The following ADGRL1 variants were observed in gnomAD, a reference collection of about 807,000 sequenced individuals.
ADGRL1 encodes the protein CIRL-1.
A neutral mutation model predicts 148.9 loss-of-function variants in ADGRL1; 31 were observed. The observed-to-expected ratio is 0.21, with a 90% CI of 0.16 to 0.28. The LOEUF (loss-of-function observed/expected upper bound fraction) is 0.28. Among genes scored for constraint, ADGRL1 ranks in the 10% least tolerant of loss-of-function variants. ADGRL1 has a pLI of 1.00. For synonymous variants in ADGRL1, 937 were observed against 900.3 expected (o/e 1.04, Z -0.73); for missense variants, 1,521 against 2,058.8 (o/e 0.74, Z 5.05).
chr19:14,191,765 G>A (rs961430487), intron 1 of ADGRL1, among the ~76,000 whole-genome samples: 1 of 151,028 alleles, frequency 6.6e-6, no homozygotes, highest in South Asian at 2.1e-4. Flanking sequence ...GCACAATCCC[G>A]GCTCATTGCA....
intron 1 of ADGRL1, among the ~76,000 whole-genome samples, chr19:14,205,684 C>T (rs1972952414): frequency 6.6e-6 from 1 of 151,636 alleles, no homozygotes; most frequent in Non-Finnish European, 1.5e-5. Context: ...CACGCGCGGG[C>T]ACACTCGCGG....
intron 3 of ADGRL1, among the ~76,000 whole-genome samples, chr19:14,175,224 C>T (rs955522404): frequency 4.6e-5 from 7 of 152,064 alleles, no homozygotes; most frequent in Admixed American, 2.0e-4. Context: ...GATTTGCACA[C>T]GTGGTGCCTC....
At chr19:14,190,676 C>G (rs569041781) in intron 1 of ADGRL1, among the ~76,000 whole-genome samples, 1 of 152,224 alleles carries the variant, frequency 6.6e-6, no homozygotes. Context: ...TCTACGAGTT[C>G]AATTCTTTTT....
intron 3 of ADGRL1, 78 bp from the exon 4 acceptor site, chr19:14,170,869 A>G: frequency 1.3e-6 from 1 of 754,936 alleles, no homozygotes; most frequent in African/African-American, 1.7e-5. Context: ...CTCCAGGGTC[A>G]TGGTGTCATA....
intron 1 of ADGRL1, among the ~76,000 whole-genome samples, chr19:14,191,799 G>A (rs1971960143): frequency 6.6e-6 from 1 of 151,740 alleles, no homozygotes; most frequent in African/African-American, 2.4e-5. Context: ...AGGCTCATGG[G>A]ATCCTCCCGC....
chr19:14,155,941 T>G lies in ADGRL1; in HGVS notation c.3125+169A>C. ...CTAATGATACGCTATCTAAGACCCATTAAGTAGGTACATAGTGAACACAAT... is the reference window on the plus strand; with the variant it reads ...CTAATGATACGCTATCTAAGACCCAGTAAGTAGGTACATAGTGAACACAAT... On this transcript the variant is annotated intron_variant, in intron 17 of 22. Transcript: ENST00000361434. This position sits in a 1 kb window ranked among gnomAD's most constrained non-coding sequence, Gnocchi z 5.0. The G allele has an allele frequency of 1.6e-6, 1 of 621,508 alleles. No individual in the cohort carries two copies. Among genetic ancestry groups the G allele is most frequent in the East Asian group, 2.8e-5 (1 of 36,156 alleles). 38.5% of individuals were successfully genotyped at this position (621,508 alleles called of 1,614,324 possible). A position where few individuals can be genotyped will look rare whatever the true frequency, so the allele number is the denominator to read the frequency against.
chr19:14,203,540 C>T (rs1012094521), intron 1 of ADGRL1, among the ~76,000 whole-genome samples: 6 of 152,140 alleles, frequency 3.9e-5, no homozygotes, highest in African/African-American at 9.7e-5. Context: ...AGAGGCCACC[C>T]GCCAGGAGCC....
chr19:14,205,707 G>C (rs10421915), intron 1 of ADGRL1, among the ~76,000 whole-genome samples: 2 of 143,502 alleles, frequency 1.4e-5, no homozygotes, highest in African/African-American at 2.6e-5. Context: ...CCCTCCCCCC[G>C]CCAGGCACCC....
rs1971002063 is a variant in ADGRL1 at position 14,178,910 on chromosome 19, G to A, written c.71-1166C>T. Among the ~76,000 whole-genome samples, 3 of 152,028 alleles carry A rather than the reference G, an allele frequency of 2.0e-5. 1 individual carries two copies. The South Asian group carries it at 6.2e-4, about 32-fold the overall frequency. On this transcript the variant is annotated intron_variant, in intron 2 of 22. Coordinates refer to ENST00000361434, the MANE Select transcript of ADGRL1 (RefSeq NM_014921.5). ...TCTATAAGCCAAGGAGAGGCCAGGCGCGGTGGCTCACACCTGTAATCCCCG... is the reference window on the plus strand; with the variant it reads ...TCTATAAGCCAAGGAGAGGCCAGGCACGGTGGCTCACACCTGTAATCCCCG...
At chr19:14,189,132 G>C (rs1971773253) in intron 1 of ADGRL1, among the ~76,000 whole-genome samples, 1 of 151,792 alleles carries the variant, frequency 6.6e-6, no homozygotes, top group Admixed American at 6.6e-5. Flanking sequence ...GCCCAGCCCT[G>C]GTAACTTATA....
chr19:14,183,193 C>CAGAGAGAGGGAGAGAGAG (rs1971322395), intron 2 of ADGRL1, among the ~76,000 whole-genome samples: 1 of 145,306 alleles, frequency 6.9e-6, no homozygotes, highest in Non-Finnish European at 1.5e-5. Flanking sequence ...GATGTAATCA[C>CAGAGAGAGGGAGAGAGAG]AGAGAGAGAG....
chr19:14,156,066 G>T, intron 17 of ADGRL1, 44 bp downstream of exon 17: 1 of 1,460,296 alleles, frequency 6.8e-7, no homozygotes, highest in East Asian at 2.3e-5. Flanking sequence ...AGCGTGGGGC[G>T]GGGGTGGGTG....
chr19:14,152,872 CAGT>C lies in ADGRL1; in HGVS notation c.3332_3334del (p.Tyr1111del), dbSNP rs767591232. The C allele has an allele frequency of 6.8e-6, 11 of 1,614,152 alleles. No individual in the cohort carries two copies. Among genetic ancestry groups the C allele is most frequent in the South Asian group, 1.1e-5 (1 of 91,084 alleles). On this transcript the variant is annotated inframe_deletion, in exon 19 of 23. Coordinates refer to ENST00000361434, the MANE Select transcript of ADGRL1 (RefSeq NM_014921.5). This position sits in a 1 kb window ranked among gnomAD's most constrained non-coding sequence, Gnocchi z 6.1. ...GCCCCCGGGTGGGGAGCGGATGCAG[CAGT>C]AGGAGTGACGCAGGCACTTGCTGTA...
intron 1 of ADGRL1, among the ~76,000 whole-genome samples, chr19:14,203,255 G>A (rs1189463224): frequency 6.6e-6 from 1 of 152,176 alleles, no homozygotes; most frequent in Non-Finnish European, 1.5e-5. Flanking sequence ...TCAGATCCGT[G>A]AGAGGAACCC....
intron 1 of ADGRL1, among the ~76,000 whole-genome samples, chr19:14,189,360 A>G (rs1971789105): frequency 6.6e-6 from 1 of 152,022 alleles, no homozygotes; most frequent in Non-Finnish European, 1.5e-5. Context: ...AGCTGGGACT[A>G]TAGTCACATG....
rs544132718 is a variant in ADGRL1 at position 14,189,900 on chromosome 19, C to T, written c.-95-6203G>A. Among the ~76,000 whole-genome samples, 4 of 152,324 alleles carry T rather than the reference C, an allele frequency of 2.6e-5. No homozygotes were observed. In the South Asian group the frequency reaches 8.3e-4, roughly 32 times the overall value. On this transcript the variant is annotated intron_variant, in intron 1 of 22. Transcript: ENST00000361434. ...GTGAGAACACTTGAGTCTAATTCCTCAGCAAGTTTCAAGAAAACAGTATGC... is the reference window on the plus strand; with the variant it reads ...GTGAGAACACTTGAGTCTAATTCCTTAGCAAGTTTCAAGAAAACAGTATGC...
intron 1 of ADGRL1, among the ~76,000 whole-genome samples, chr19:14,204,704 CAG>C (rs1568248291): frequency 3.7e-5 from 4 of 107,634 alleles, no homozygotes; most frequent in Non-Finnish European, 5.6e-5. Flanking sequence ...TAGAGAAAGA[CAG>C]AGAGAGTGAG....
intron 2 of ADGRL1, among the ~76,000 whole-genome samples, chr19:14,182,141 C>G (rs903392468): frequency 3.3e-5 from 5 of 152,202 alleles, no homozygotes; most frequent in Admixed American, 1.3e-4. Context: ...CTGTCCCTCC[C>G]CTGAGGGGCA....
At chr19:14,153,932 C>T (rs1186993390) in intron 18 of ADGRL1, among the ~76,000 whole-genome samples, 1 of 150,926 alleles carries the variant, frequency 6.6e-6, no homozygotes, top group Non-Finnish European at 1.5e-5. Flanking sequence ...CAGAACGAGA[C>T]TCTGTCTCAA....
Sources: allele counts gnomAD v4.1 joint callset (sites outside exome capture counted in the v4.1 genomes callset), GRCh38; gene constraint gnomAD v4.1.1; non-coding constraint Gnocchi (gnomAD v3.1); transcripts MANE v1.5; gene names NCBI Gene and HGNC (gene_info 2026-07-23, HGNC 2026-07-21).